Variants in DNAJC13 observed in about 807,000 individuals in gnomAD.
The protein encoded by DNAJC13 is DnaJ heat shock protein family (Hsp40) member C13, also known as dnaJ homolog subfamily C member 13.
A neutral mutation model predicts 290.5 loss-of-function variants in DNAJC13; 75 were observed. The ratio of observed to expected loss-of-function variants is 0.26; its 90% CI spans 0.21 to 0.31. The LOEUF (loss-of-function observed/expected upper bound fraction) is 0.31. DNAJC13 is among the 10% of genes least tolerant of loss of function. DNAJC13 has a pLI of 1.00. For missense variants in DNAJC13, 2,260 were observed against 2,674.5 expected, an observed-to-expected ratio of 0.85 and a Z score of 3.42; for synonymous variants, 862 against 892.0, an observed-to-expected ratio of 0.97 and a Z score of 0.60.
rs377427147 is a variant in DNAJC13, at chr3:132,459,047, C to G, written c.1450-1203C>G. ...TTTTTTCTGTGTTTCAGGTACTATT[C>G]TATGAATTTTTCATATATTATTCAG... On this transcript the variant is annotated intron_variant, in intron 13 of 55. Transcript: ENST00000260818. Among the ~76,000 whole-genome samples the G allele has an allele frequency of 1.3e-4, 20 of 152,128 alleles. No homozygotes were observed. In the East Asian group the frequency reaches 1.4e-3, roughly 10 times the overall value.
At chr3:132,430,946 A>G (rs1939224365) in intron 1 of DNAJC13, among the ~76,000 whole-genome samples, 2 of 152,204 alleles carry the variant, frequency 1.3e-5, no homozygotes, top group African/African-American at 4.8e-5. Flanking sequence ...ACTCACTAGC[A>G]GGAAGATGTT....
intron 28 of DNAJC13, chr3:132,484,289 AC>A (rs1934780215): frequency 4.6e-6 from 2 of 431,646 alleles, no homozygotes; most frequent in African/African-American, 2.0e-5. Context: ...GGGGGAAAAT[AC>A]CCACTGACAG....
intron 39 of DNAJC13, among the ~76,000 whole-genome samples, chr3:132,501,353 A>T (rs1935405091): frequency 6.6e-6 from 1 of 152,186 alleles, no homozygotes; most frequent in African/African-American, 2.4e-5. Flanking sequence ...TACAAAAATT[A>T]GCTGGGTATG....
intron 13 of DNAJC13, among the ~76,000 whole-genome samples, chr3:132,459,016 A>G (rs1933706994): frequency 6.6e-6 from 1 of 151,822 alleles, no homozygotes; most frequent in South Asian, 2.1e-4. Flanking sequence ...ATAAATAATG[A>G]TTAATTTTTT....
Position 132,522,982 on chromosome 3 carries a change from G to T in DNAJC13, c.5828G>T (p.Arg1943Met). The change falls in exon 49 of 56, where the codon AGG becomes ATG. Residue 1943 changes from arginine to methionine, a missense_variant. Arg to Met is a moderately conservative substitution (Grantham distance 91, BLOSUM62 -1). Coordinates refer to ENST00000260818, the MANE Select transcript of DNAJC13 (RefSeq NM_015268.4). ...AGAGATAAAGTGTCCACAACAGTTA[G>T]GGAAATGATGCTAGAGTAAGTAAAA... ...NSRDKVSTTV[R>M]EMMLEHFKNQ... is the part of the protein sequence containing the mutation. 1 of 1,609,446 alleles carries T rather than the reference G, an allele frequency of 6.2e-7. No individual in the cohort carries two copies. Among genetic ancestry groups the T allele is most frequent in the Non-Finnish European group, 8.5e-7 (1 of 1,178,786 alleles).
intron 9 of DNAJC13, among the ~76,000 whole-genome samples, chr3:132,454,599 C>G (rs1933531967): frequency 6.6e-6 from 1 of 152,024 alleles, no homozygotes; most frequent in South Asian, 2.1e-4. Flanking sequence ...CTTGACCTCC[C>G]AAAGTGCTGG....
At chr3:132,450,938 C>A in intron 6 of DNAJC13, 91 bp downstream of exon 6, 1 of 703,930 alleles carries the variant, frequency 1.4e-6, no homozygotes, top group Non-Finnish European at 2.3e-6. Context: ...TTTGAAATTT[C>A]ACGTGAGTCC....
chr3:132,453,400 G>T lies in DNAJC13; in HGVS notation c.640G>T (p.Glu214Ter). The T allele has an allele frequency of 6.2e-7, 1 of 1,613,944 alleles. No individual in the cohort carries two copies. Among genetic ancestry groups the T allele is most frequent in the Non-Finnish European group, 8.5e-7 (1 of 1,179,928 alleles). ...ISLRIRKEPL[E>*]FEQYLNLRFG... ...ATTGCGGATCAGGAAAGAGCCTTTA[G>T]AATTCGAGCAATATTTGAATCTTCG... Residue 214 changes from glutamate (E) to a stop codon, truncating the protein, a stop_gained, in exon 7 of 56, where the codon GAA becomes TAA. Coordinates refer to ENST00000260818, the MANE Select transcript of DNAJC13 (RefSeq NM_015268.4). LOFTEE classifies it high-confidence loss of function.
chr3:132,451,059 T>C (rs915965157), intron 6 of DNAJC13, among the ~76,000 whole-genome samples: 6 of 152,212 alleles, frequency 3.9e-5, no homozygotes, highest in African/African-American at 1.4e-4. Context: ...AGATAATTTA[T>C]GTAAAATGCT....
At chr3:132,457,391 A>C in intron 13 of DNAJC13, 23 bp downstream of exon 13, 1 of 1,594,884 alleles carries the variant, frequency 6.3e-7, no homozygotes, top group Non-Finnish European at 8.6e-7. Flanking sequence ...TTTCTTAAGG[A>C]AACTGGTTTT....
chr3:132,421,220 G>A (rs1279983285), intron 1 of DNAJC13, among the ~76,000 whole-genome samples: 1 of 152,076 alleles, frequency 6.6e-6, no homozygotes, highest in African/African-American at 2.4e-5. Flanking sequence ...GACTCAGTTG[G>A]GTACAATTTT....
chr3:132,508,930 T>G (rs568578369), intron 43 of DNAJC13, among the ~76,000 whole-genome samples: 118 of 152,330 alleles, frequency 7.7e-4, no homozygotes, highest in Non-Finnish European at 1.5e-3. Context: ...ATACTACTGC[T>G]CGTTGGCAAT....
In DNAJC13 at chr3:132,480,207, G is replaced by C. The variant is rs567791952; in HGVS notation, c.2773-162G>C. Among the ~76,000 whole-genome samples the C allele has an allele frequency of 3.3e-5, 5 of 152,238 alleles. 1 individual carries two copies. The South Asian group carries it at 1.0e-3, about 32-fold the overall frequency. ...TTCCTTGAACACAAAATGCTGAAAAGACCAAGTAATACCAGTCGTATCACT... is the reference window on the plus strand; with the variant it reads ...TTCCTTGAACACAAAATGCTGAAAACACCAAGTAATACCAGTCGTATCACT... On this transcript the variant is annotated intron_variant, in intron 25 of 55. Coordinates refer to ENST00000260818, the MANE Select transcript of DNAJC13 (RefSeq NM_015268.4).
In DNAJC13 at chr3:132,478,149, AT is replaced by A; in HGVS notation, c.2709+10del. ...TTGGAATGTTAGAGAGGGTAAGGAT[AT>A]CATTTAAGGAAATTACTATTTGATA... On this transcript the variant is annotated intron_variant, in intron 24 of 55. Transcript: ENST00000260818. 2 of 1,590,584 alleles carry A rather than the reference AT, an allele frequency of 1.3e-6. No homozygotes were observed. The highest frequency in any genetic ancestry group is 1.7e-6 in the Non-Finnish European group (2 of 1,172,266).
chr3:132,511,718 A>G (rs1022129850), intron 44 of DNAJC13, among the ~76,000 whole-genome samples: 2 of 152,168 alleles, frequency 1.3e-5, no homozygotes, highest in African/African-American at 2.4e-5. Flanking sequence ...ACTCTTAATC[A>G]TCTTTAAGAG....
At chr3:132,534,312 C>T (rs572279436) in intron 55 of DNAJC13, among the ~76,000 whole-genome samples, 31 of 152,124 alleles carry the variant, frequency 2.0e-4, no homozygotes, top group Admixed American at 1.9e-3. Flanking sequence ...TCTTTTTTAG[C>T]GATGTCAGTT....
At chr3:132,509,211 A>C (rs1015555972) in intron 43 of DNAJC13, among the ~76,000 whole-genome samples, 4 of 152,214 alleles carry the variant, frequency 2.6e-5, no homozygotes. Flanking sequence ...AGGAGGTAAA[A>C]ATATCAGTAT....
Position 132,454,115 on chromosome 3 carries a change from A to T in DNAJC13, c.890A>T (p.Glu297Val). ...DSENPQLFTIEFIKGQVRKYS... is the reference protein window; with the variant it reads ...DSENPQLFTIVFIKGQVRKYS... Reference sequence around the variant, plus strand: ...GAAAATCCACAACTTTTTACCATTGAATTTATAAAAGGGCAAGTACGGAAA... The same window carrying T: ...GAAAATCCACAACTTTTTACCATTGTATTTATAAAAGGGCAAGTACGGAAA... The change falls in exon 9 of 56, where the codon GAA (glutamate) becomes GTA (valine). Residue 297 changes from glutamate (E) to valine (V), a missense_variant. Around this residue, in one of 3 missense-constraint regions of DNAJC13, gnomAD observed 762 missense variants for 964.1 expected, o/e 0.79. Coordinates refer to ENST00000260818, the MANE Select transcript of DNAJC13 (RefSeq NM_015268.4). 6.2e-7 allele frequency: 1 copy of T among 1,608,266 alleles called. No homozygotes were observed. The highest frequency in any genetic ancestry group is 8.5e-7 in the Non-Finnish European group (1 of 1,178,356).
chr3:132,489,926 A>G (rs762540849), intron 31 of DNAJC13, among the ~76,000 whole-genome samples: 10 of 152,182 alleles, frequency 6.6e-5, no homozygotes, highest in Non-Finnish European at 1.5e-4. Flanking sequence ...TTTCTGTGCC[A>G]TTATGCATAT....
Sources: allele counts gnomAD v4.1 joint callset (sites outside exome capture counted in the v4.1 genomes callset), GRCh38; gene constraint gnomAD v4.1.1; regional missense constraint gnomAD v4.1.1; transcripts MANE v1.5; gene names NCBI Gene and HGNC (gene_info 2026-07-23, HGNC 2026-07-21).